OTUD7B: variants seen among roughly 807,000 people sequenced by gnomAD.
OTUD7B encodes the protein OTU deubiquitinase 7B, also known as OTU domain-containing protein 7B.
Under a neutral mutation model 82.2 loss-of-function variants are expected in OTUD7B, and 34 were observed. The observed-to-expected ratio is 0.41, with a 90% CI of 0.31 to 0.55. The LOEUF (loss-of-function observed/expected upper bound fraction) is 0.55. Among genes scored for constraint, OTUD7B ranks in the 20% least tolerant of loss-of-function variants. OTUD7B has a pLI of 0.20. For missense variants in OTUD7B, 944 were observed against 1,062.1 expected, an observed-to-expected ratio of 0.89 and a Z score of 1.55; for synonymous variants, 398 against 402.7, an observed-to-expected ratio of 0.99 and a Z score of 0.14.
the OTUD7B span, among the ~76,000 whole-genome samples, chr1:150,019,352 CTTTGT>C: frequency 1.3e-5 from 2 of 151,632 alleles, no homozygotes; most frequent in African/African-American, 4.9e-5. Flanking sequence ...CCCCAATTGT[CTTTGT>C]TTTGTTTGTT....
chr1:150,037,480 C>T, the OTUD7B span, among the ~76,000 whole-genome samples: 2 of 152,238 alleles, frequency 1.3e-5, no homozygotes, highest in East Asian at 1.9e-4. Flanking sequence ...AAATTTCAAG[C>T]CTCTTCATAT....
chr1:150,021,038 A>G, the OTUD7B span, among the ~76,000 whole-genome samples: 1 of 152,242 alleles, frequency 6.6e-6, no homozygotes, highest in South Asian at 2.1e-4. Flanking sequence ...GACAAAAGCA[A>G]TTCATTTTTT....
At position 149,941,394 on chromosome 1, in the gene OTUD7B, A is replaced by G. The variant is rs1167155430; in HGVS notation, c.*2463T>C. The G allele has an allele frequency of 1.3e-5, 2 of 152,356 alleles. No individual in the cohort carries two copies. The highest frequency in any genetic ancestry group is 2.9e-5 in the Non-Finnish European group (2 of 68,038). 9.4% of individuals were successfully genotyped at this position (152,356 alleles called of 1,614,324 possible). ...TAGGAAAGCTAGGTGAGCTGTGCAA[A>G]TTCAGGGTGTCTGAGCCACCTGTTG... On this transcript the variant is annotated 3_prime_UTR_variant, in exon 12 of 12. Coordinates refer to ENST00000581312, the MANE Select transcript of OTUD7B (RefSeq NM_020205.4).
chr1:150,025,917 C>T, the OTUD7B span, among the ~76,000 whole-genome samples: 1 of 152,178 alleles, frequency 6.6e-6, no homozygotes, highest in African/African-American at 2.4e-5. Flanking sequence ...AGAGGAGACA[C>T]AGAGCTCTGA....
intron 7 of OTUD7B, among the ~76,000 whole-genome samples, chr1:149,950,974 TGTA>T (rs1648179906): frequency 7.6e-5 from 2 of 26,402 alleles, no homozygotes; most frequent in East Asian, 1.3e-3. Flanking sequence ...TTGTACTTTT[TGTA>T]TTTTTTTTTT....
the OTUD7B span, among the ~76,000 whole-genome samples, chr1:150,055,714 C>A: frequency 4.6e-5 from 7 of 152,302 alleles, no homozygotes; most frequent in South Asian, 4.1e-4. Context: ...TAAAAAAGAA[C>A]AAGATCATGT....
At chr1:150,067,360 G>C in the OTUD7B span, 3 of 153,994 alleles carry the variant, frequency 1.9e-5, no homozygotes, top group Non-Finnish European at 4.3e-5. Flanking sequence ...GTCTCTCCGA[G>C]TCCCAAGCGG....
chr1:150,059,811 T>C, the OTUD7B span, among the ~76,000 whole-genome samples: 1 of 152,140 alleles, frequency 6.6e-6, no homozygotes, highest in African/African-American at 2.4e-5. Context: ...GAAAGAAAAA[T>C]TATTTTAAAA....
At chr1:150,001,900 CA>C (rs1393093270) in intron 1 of OTUD7B, among the ~76,000 whole-genome samples, 1 of 152,172 alleles carries the variant, frequency 6.6e-6, no homozygotes, top group Non-Finnish European at 1.5e-5. Flanking sequence ...CAATTTCTCC[CA>C]GGGGAATCTA....
At chr1:150,013,185 A>G (rs1386396277), upstream of OTUD7B, among the ~76,000 whole-genome samples, 1 of 152,158 alleles carries the variant, frequency 6.6e-6, no homozygotes, top group Non-Finnish European at 1.5e-5. Context: ...CACACCCTCA[A>G]CTGCTATTCT....
chr1:150,032,604 T>C, the OTUD7B span, among the ~76,000 whole-genome samples: 2 of 150,116 alleles, frequency 1.3e-5, no homozygotes, highest in East Asian at 3.9e-4. Flanking sequence ...CACTGTACTC[T>C]AGCCTGGGCG....
intron 3 of OTUD7B, among the ~76,000 whole-genome samples, chr1:149,968,077 A>G (rs1464607432): frequency 1.3e-5 from 2 of 152,218 alleles, no homozygotes; most frequent in African/African-American, 2.4e-5. Context: ...CAGCCTGACC[A>G]ACGTGGTGAA....
chr1:150,019,610 C>T, the OTUD7B span, among the ~76,000 whole-genome samples: 6 of 152,190 alleles, frequency 3.9e-5, no homozygotes, highest in Non-Finnish European at 7.4e-5. Flanking sequence ...CGGTGATCCA[C>T]CCACCCCACA....
At chr1:150,057,250 C>T in the OTUD7B span, among the ~76,000 whole-genome samples, 1 of 152,112 alleles carries the variant, frequency 6.6e-6, no homozygotes, top group African/African-American at 2.4e-5. Flanking sequence ...TAGTATTTTA[C>T]CAATGATAAT....
chr1:150,025,689 A>C, the OTUD7B span, among the ~76,000 whole-genome samples: 1 of 152,162 alleles, frequency 6.6e-6, no homozygotes, highest in African/African-American at 2.4e-5. Flanking sequence ...GAATTCAAAA[A>C]TCTGATGGAA....
At chr1:149,963,990 G>A in intron 6 of OTUD7B, 1 of 430,782 alleles carries the variant, frequency 2.3e-6, no homozygotes, top group Non-Finnish European at 4.1e-6. Flanking sequence ...TGGGGGAAAA[G>A]CACAATGTTA....
chr1:149,985,312 G>A (rs1268097510), intron 1 of OTUD7B, among the ~76,000 whole-genome samples: 3 of 152,178 alleles, frequency 2.0e-5, no homozygotes, highest in African/African-American at 7.2e-5. Flanking sequence ...GGAGGCTGAG[G>A]CAGGAGAATC....
intron 7 of OTUD7B, among the ~76,000 whole-genome samples, chr1:149,956,799 G>C (rs1476722913): frequency 6.6e-6 from 1 of 152,088 alleles, no homozygotes; most frequent in Non-Finnish European, 1.5e-5. Flanking sequence ...TTCAATCACT[G>C]ATACCCTTTC....
chr1:150,055,762 C>T, the OTUD7B span, among the ~76,000 whole-genome samples: 1 of 152,196 alleles, frequency 6.6e-6, no homozygotes, highest in Non-Finnish European at 1.5e-5. Context: ...AGGCTATTAT[C>T]CTTAGCAAAC....
Sources: allele counts gnomAD v4.1 joint callset (sites outside exome capture counted in the v4.1 genomes callset), GRCh38; gene constraint gnomAD v4.1.1; transcripts MANE v1.5; gene names NCBI Gene and HGNC (gene_info 2026-07-23, HGNC 2026-07-21).